DMD: variants seen among roughly 807,000 people sequenced by gnomAD.
DMD encodes the protein dystrophin, also known as mutant dystrophin.
In DMD, 63 loss-of-function variants were observed where a neutral mutation model predicts 330.1. The observed-to-expected ratio is 0.19, with a 90% CI of 0.16 to 0.24. The LOEUF (loss-of-function observed/expected upper bound fraction) is 0.24, where lower values mean the gene tolerates loss of function less well. DMD is among the 10% of genes least tolerant of loss of function. The pLI is 1.00. For synonymous variants in DMD, 1,223 were observed against 959.8 expected, an observed-to-expected ratio of 1.27 and a Z score of -5.07; for missense variants, 3,344 against 2,684.1, an observed-to-expected ratio of 1.25 and a Z score of -5.43.
At chrX:32,027,091 A>G (rs1036133130) in intron 44 of DMD, among the ~76,000 whole-genome samples, 1 of 108,881 alleles carries the variant, frequency 9.2e-6, no homozygotes, top group Non-Finnish European at 1.9e-5. Context: ...TTTGATGTAC[A>G]CTTGTCTCTG....
At chrX:33,239,656 T>C (rs906282814) in intron 1 of DMD, among the ~76,000 whole-genome samples, 35 of 112,161 alleles carry the variant, frequency 3.1e-4, no homozygotes, top group African/African-American at 1.0e-3. Context: ...TATGTATTTA[T>C]TGTGTTCAAC....
chrX:31,707,060 G>GC (rs1556832049), intron 52 of DMD, among the ~76,000 whole-genome samples: 1 of 108,368 alleles, frequency 9.2e-6, no homozygotes, highest in Non-Finnish European at 1.9e-5. Context: ...TAATCTCGTT[G>GC]TTTTTTTTTA....
chrX:31,862,797 A>G (rs912147318), intron 48 of DMD, among the ~76,000 whole-genome samples: 3 of 112,430 alleles, frequency 2.7e-5, no homozygotes, highest in African/African-American at 9.7e-5. Context: ...CTCCTTTCTC[A>G]GGCCCATTCC....
At chrX:32,787,118 T>C (rs2075418695) in intron 7 of DMD, among the ~76,000 whole-genome samples, 1 of 110,470 alleles carries the variant, frequency 9.1e-6, no homozygotes, top group Non-Finnish European at 1.9e-5. Context: ...ACAAATACTA[T>C]GACAATTATA....
intron 7 of DMD, among the ~76,000 whole-genome samples, chrX:32,714,522 A>G (rs189551709): frequency 9.0e-6 from 1 of 111,729 alleles, no homozygotes; most frequent in East Asian, 2.8e-4. Context: ...GCTCGTTAGT[A>G]TTCCATTATA....
intron 55 of DMD, among the ~76,000 whole-genome samples, chrX:31,613,515 C>T (rs1289366109): frequency 9.0e-6 from 1 of 111,521 alleles, no homozygotes; most frequent in Non-Finnish European, 1.9e-5. Context: ...TAAGCAAGCC[C>T]CATTGAACCT....
chrX:31,722,977 G>C (rs77382125), intron 52 of DMD, among the ~76,000 whole-genome samples: 2 of 110,233 alleles, frequency 1.8e-5, no homozygotes, highest in Non-Finnish European at 3.8e-5. Context: ...GAATCTGGGA[G>C]GCGGAGTTGC....
intron 7 of DMD, among the ~76,000 whole-genome samples, chrX:32,708,696 C>T (rs2064910535): frequency 9.0e-6 from 1 of 111,294 alleles, no homozygotes; most frequent in Non-Finnish European, 1.9e-5. Context: ...AGAATGGCTC[C>T]ATTTCCTAAT....
At chrX:31,528,101 A>G (rs892840091) in intron 55 of DMD, among the ~76,000 whole-genome samples, 10 of 111,896 alleles carry the variant, frequency 8.9e-5, no homozygotes, top group African/African-American at 3.3e-4. Flanking sequence ...ACAGAAGGAT[A>G]GGAATTGAGG....
At chrX:32,652,581 G>A (rs189222227) in intron 9 of DMD, among the ~76,000 whole-genome samples, 1 of 110,510 alleles carries the variant, frequency 9.0e-6, no homozygotes, top group Non-Finnish European at 1.9e-5. Flanking sequence ...ATTGTGAATA[G>A]TGCCGCAATA....
At chrX:31,482,046 T>A (rs1603232603) in intron 57 of DMD, among the ~76,000 whole-genome samples, 1 of 110,747 alleles carries the variant, frequency 9.0e-6, no homozygotes, top group Admixed American at 9.6e-5. Context: ...AGTAGGAAAA[T>A]GTTTCATCAG....
rs73621843 is a variant in DMD at position 32,830,407 on chromosome X, G to A, written c.265-7020C>T. ...AAACCTTTTAAAATCTGTGTGAAGT[G>A]AATGATTACATCTGTCTACTAAGCA... On this transcript the variant is annotated intron_variant, in intron 4 of 78. Coordinates refer to ENST00000357033, the MANE Select transcript of DMD (RefSeq NM_004006.3). Among the ~76,000 whole-genome samples, 372 of 111,136 alleles carry A rather than the reference G, an allele frequency of 3.3e-3. 1 individual carries two copies. The highest frequency in any genetic ancestry group is 0.011 in the African/African-American group (344 of 30,721).
chrX:31,406,856 C>T (rs1183488723), intron 60 of DMD, among the ~76,000 whole-genome samples: 1 of 111,477 alleles, frequency 9.0e-6, no homozygotes, highest in Admixed American at 9.5e-5. Context: ...AGCAGTTAGA[C>T]TAGAAGGGTG....
intron 50 of DMD, among the ~76,000 whole-genome samples, chrX:31,792,761 G>A (rs957437736): frequency 4.5e-5 from 5 of 111,444 alleles, no homozygotes; most frequent in Admixed American, 9.5e-5. Flanking sequence ...AGGCGTCTGC[G>A]ACCCCTGAAG....
At chrX:33,092,592 C>A (rs1408981059) in intron 1 of DMD, among the ~76,000 whole-genome samples, 1 of 111,000 alleles carries the variant, frequency 9.0e-6, no homozygotes, top group Non-Finnish European at 1.9e-5. Context: ...ACATACGAAT[C>A]AATTATTTAT....
At chrX:33,288,287 C>A (rs1445390679) in intron 1 of DMD, among the ~76,000 whole-genome samples, 1 of 111,586 alleles carries the variant, frequency 9.0e-6, no homozygotes, top group Non-Finnish European at 1.9e-5. Context: ...ACTGGGAAAT[C>A]TGATGGACCG....
At chrX:32,031,281 G>A (rs1176435932) in intron 44 of DMD, among the ~76,000 whole-genome samples, 1 of 110,958 alleles carries the variant, frequency 9.0e-6, no homozygotes, top group Admixed American at 9.6e-5. Flanking sequence ...TTAGTTCAAC[G>A]CAAGAGAAAA....
At chrX:32,821,927 TG>T (rs760777210) in intron 5 of DMD, among the ~76,000 whole-genome samples, 5 of 110,591 alleles carry the variant, frequency 4.5e-5, no homozygotes, top group Admixed American at 3.9e-4. Context: ...ATGAACGTGG[TG>T]GGGGGGAGTT....
chrX:32,680,456 C>G (rs2147312217), intron 9 of DMD, among the ~76,000 whole-genome samples: 1 of 110,844 alleles, frequency 9.0e-6, no homozygotes, highest in South Asian at 3.8e-4. Context: ...TTCTCCAAGC[C>G]AAAGGCTGTC....
Sources: gnomAD v4.1 joint callset for allele counts (sites outside exome capture counted in the v4.1 genomes callset) on GRCh38, gnomAD v4.1.1 for gene constraint, MANE v1.5 for transcripts, NCBI Gene and HGNC (gene_info 2026-07-23, HGNC 2026-07-21) for gene names.